The following ATP9B variants were observed in gnomAD, a reference collection of about 807,000 sequenced individuals.
ATP9B encodes the protein ATPase phospholipid transporting 9B.
ATP9B carries 110 observed loss-of-function variants against 146.1 expected under a neutral mutation model. The ratio of observed to expected loss-of-function variants is 0.75; its 90% confidence interval spans 0.65 to 0.88. The LOEUF is 0.88. Ranked by LOEUF, ATP9B falls within the 40% of genes least tolerant of loss-of-function variation. The probability of loss-of-function intolerance (pLI) is 0.00; values close to 1 mark genes in which losing one functional copy is unlikely to be tolerated. For missense variants in ATP9B, 1,499 were observed against 1,496.4 expected (o/e 1.00, Z -0.03); for synonymous variants, 604 against 569.7 (o/e 1.06, Z -0.86).
chr18:79,231,385 T>C (rs919526500), intron 11 of ATP9B, among the ~76,000 whole-genome samples: 6 of 151,870 alleles, frequency 4.0e-5, no homozygotes, highest in Admixed American at 2.6e-4. Context: ...CCAACAAATA[T>C]ATGAAAAAAT....
At chr18:79,139,452 C>T (rs2094487932) in intron 5 of ATP9B, among the ~76,000 whole-genome samples, 1 of 152,232 alleles carries the variant, frequency 6.6e-6, no homozygotes, top group Non-Finnish European at 1.5e-5. Context: ...GCTACTACAT[C>T]ACTGGGACAG....
chr18:79,296,128 G>A (rs2096546101), intron 13 of ATP9B, among the ~76,000 whole-genome samples: 1 of 152,174 alleles, frequency 6.6e-6, no homozygotes, highest in Non-Finnish European at 1.5e-5. Context: ...CCATCTTCCT[G>A]CCTCAGCCTC....
At chr18:79,324,897 A>G (rs1317928816) in intron 15 of ATP9B, among the ~76,000 whole-genome samples, 1 of 152,266 alleles carries the variant, frequency 6.6e-6, no homozygotes, top group Non-Finnish European at 1.5e-5. Context: ...ATTCGGGCTG[A>G]GGAGAAATTC....
In ATP9B at chr18:79,344,198, CCT is replaced by C. The variant is rs1310791968; in HGVS notation, c.2383-66_2383-65del. Reference sequence around the variant, plus strand: ...TCCACTGTGACTCTGCAAATAATGCCCTGTTTCTCTGTGCCTGTAACTTAGAC... The same window carrying C: ...TCCACTGTGACTCTGCAAATAATGCCGTTTCTCTGTGCCTGTAACTTAGAC... On this transcript the variant is annotated intron_variant, in intron 20 of 29. Coordinates refer to ENST00000426216, the MANE Select transcript of ATP9B (RefSeq NM_198531.5). 1.3e-5 allele frequency: 18 copies of C among 1,380,654 alleles called. No individual in the cohort carries two copies. The African/African-American group carries it at 1.6e-4, about 12-fold the overall frequency. 85.5% of individuals were successfully genotyped at this position (1,380,654 alleles called of 1,614,324 possible).
intron 12 of ATP9B, among the ~76,000 whole-genome samples, chr18:79,260,195 C>T (rs76390033): frequency 0.019 from 2,910 of 152,154 alleles, 35 homozygotes; most frequent in Non-Finnish European, 0.027. Flanking sequence ...TAAGGAGGCC[C>T]CAGGAAACTT....
chr18:79,194,916 G>A (rs534608199), intron 9 of ATP9B, among the ~76,000 whole-genome samples: 1 of 152,270 alleles, frequency 6.6e-6, no homozygotes, highest in East Asian at 1.9e-4. Flanking sequence ...GAATGACTTG[G>A]GTAAGTAAAG....
rs189401756 is a variant in ATP9B at position 79,200,487 on chromosome 18, G to A, written c.955-6450G>A. Among the ~76,000 whole-genome samples the A allele has an allele frequency of 1.5e-3, 228 of 152,244 alleles. 1 individual carries two copies. The highest frequency in any genetic ancestry group is 5.0e-3 in the African/African-American group (209 of 41,556). On this transcript the variant is annotated intron_variant, in intron 9 of 29. Coordinates refer to ENST00000426216, the MANE Select transcript of ATP9B (RefSeq NM_198531.5). ...AGTTGACCCCATTGATAGATACAGG[G>A]ACTTAAGGCAGCAGGATGGGTAGCT...
intron 15 of ATP9B, among the ~76,000 whole-genome samples, chr18:79,323,869 G>T (rs943305337): frequency 1.3e-5 from 2 of 152,156 alleles, no homozygotes; most frequent in Non-Finnish European, 2.9e-5. Flanking sequence ...TAGATTGGGG[G>T]TAACCTCCAT....
At chr18:79,113,218 T>A (rs2094004402) in intron 3 of ATP9B, 23 bp from the exon 4 acceptor site, 1 of 1,413,064 alleles carries the variant, frequency 7.1e-7, no homozygotes, top group East Asian at 2.3e-5. Context: ...GGAATTTTGT[T>A]AATTTTCTCT....
intron 1 of ATP9B, among the ~76,000 whole-genome samples, chr18:79,070,164 C>G (rs150424216): frequency 6.2e-4 from 94 of 152,280 alleles, no homozygotes; most frequent in African/African-American, 2.1e-3. Flanking sequence ...TTGCATTTAG[C>G]TCATATTTAA....
chr18:79,348,275 AAC>A, intron 25 of ATP9B, 79 bp downstream of exon 25: 1 of 1,217,052 alleles, frequency 8.2e-7, no homozygotes, highest in Non-Finnish European at 1.2e-6. Context: ...AAAAACAAAA[AAC>A]GTATATAGAA....
chr18:79,295,114 A>G (rs1315658395), intron 13 of ATP9B, among the ~76,000 whole-genome samples: 1 of 974 alleles, frequency 1.0e-3, no homozygotes, highest in Admixed American at 0.016. Context: ...AGACACAGAC[A>G]CACACACACA....
intron 13 of ATP9B, among the ~76,000 whole-genome samples, chr18:79,287,295 A>C (rs2096454791): frequency 1.3e-5 from 2 of 152,246 alleles, no homozygotes; most frequent in South Asian, 4.1e-4. Context: ...ACAATTTCAG[A>C]GCCTGTTATT....
chr18:79,141,823 TA>T (rs1411918358), intron 5 of ATP9B, among the ~76,000 whole-genome samples: 1 of 152,084 alleles, frequency 6.6e-6, no homozygotes, highest in Non-Finnish European at 1.5e-5. Context: ...ATCAAATATT[TA>T]ATGTAAGTGT....
intron 17 of ATP9B, among the ~76,000 whole-genome samples, chr18:79,330,874 A>T (rs1273026699): frequency 6.6e-6 from 1 of 152,214 alleles, no homozygotes. Flanking sequence ...TATGTAATCA[A>T]AGTTATATTT....
intron 1 of ATP9B, among the ~76,000 whole-genome samples, chr18:79,071,051 T>TTTTTCTTTTTC (rs777112273): frequency 2.7e-5 from 4 of 145,516 alleles, no homozygotes; most frequent in African/African-American, 1.0e-4. Flanking sequence ...TCCTGTTTCT[T>TTTTTCTTTTTC]TTTTTTTTTT....
At chr18:79,367,533 CAG>C (rs577387203) in intron 26 of ATP9B, among the ~76,000 whole-genome samples, 10 of 143,662 alleles carry the variant, frequency 7.0e-5, no homozygotes, top group African/African-American at 1.7e-4. Context: ...AGAGAGCACA[CAG>C]ATATCTTCAC....
At chr18:79,221,932 A>G (rs1312474979) in intron 11 of ATP9B, among the ~76,000 whole-genome samples, 1 of 148,246 alleles carries the variant, frequency 6.7e-6, no homozygotes, top group African/African-American at 2.5e-5. Flanking sequence ...CTGCTTTAAA[A>G]AAAAAAAAAG....
At chr18:79,214,444 T>A (rs2095609554) in intron 11 of ATP9B, among the ~76,000 whole-genome samples, 1 of 152,238 alleles carries the variant, frequency 6.6e-6, no homozygotes, top group African/African-American at 2.4e-5. Context: ...GTTACAGTAT[T>A]AAGCCAGTTT....
Sources: allele counts gnomAD v4.1 joint callset (sites outside exome capture counted in the v4.1 genomes callset), GRCh38; gene constraint gnomAD v4.1.1; transcripts MANE v1.5; gene names NCBI Gene and HGNC (gene_info 2026-07-23, HGNC 2026-07-21).